C11orf87: variants seen among roughly 807,000 people sequenced by gnomAD.
C11orf87 encodes chromosome 11 open reading frame 87, also known as uncharacterized protein C11orf87.
A neutral mutation model predicts 9.2 loss-of-function variants in C11orf87; 3 were observed. The ratio of observed to expected loss-of-function variants is 0.33; its 90% CI spans 0.15 to 0.84. The LOEUF is 0.84. Ranked by LOEUF, C11orf87 falls within the 40% of genes least tolerant of loss-of-function variation. The probability of loss-of-function intolerance (pLI) is 0.55; values close to 1 mark genes in which losing one functional copy is unlikely to be tolerated. For missense variants in C11orf87, 256 were observed against 270.7 expected, an observed-to-expected ratio of 0.95 and a Z score of 0.38; for synonymous variants, 124 against 124.6, an observed-to-expected ratio of 1.00 and a Z score of 0.03.
rs140187758 is a variant in C11orf87, at chr11:109,426,231, C to A, written c.*2004C>A. ...GAATGAAAGTGATCTGCAAAAAGCT[C>A]TACCAAGAGAGTCCTTACTATCCTG... On this transcript the variant is annotated 3_prime_UTR_variant, in exon 2 of 2. Transcript: ENST00000327419. The A allele has an allele frequency of 2.0e-5, 3 of 152,290 alleles. No homozygotes were observed. In the East Asian group the frequency reaches 5.8e-4, roughly 29 times the overall value. 9.4% of individuals were successfully genotyped at this position (152,290 alleles called of 1,614,324 possible).
In C11orf87 at chr11:109,423,974, G is replaced by A. The variant is rs949137847; in HGVS notation, c.341G>A (p.Gly114Glu). The change falls in exon 2 of 2, where the codon GGG becomes GAG. Residue 114 changes from glycine to glutamate, a missense_variant. Physicochemically the swap from Gly to Glu is moderately conservative, Grantham distance 98. Coordinates refer to ENST00000327419, the MANE Select transcript of C11orf87 (RefSeq NM_207645.4). This position sits in a 1 kb window ranked among gnomAD's most constrained non-coding sequence, Gnocchi z 5.3. ...DHCSGSRGGGGLPRPGRQAPT... is the reference protein window; with the variant it reads ...DHCSGSRGGGELPRPGRQAPT... The stretch of plus-strand genomic sequence containing the variant: ...TGCAGCGGCAGCCGCGGTGGCGGGG[G>A]GCTGCCCCGACCTGGCAGGCAGGCC... 6.2e-6 allele frequency: 10 copies of A among 1,613,908 alleles called. No homozygotes were observed. Among genetic ancestry groups the A allele is most frequent in the Non-Finnish European group, 8.5e-6 (10 of 1,179,862 alleles).
rs1408100511 is a variant in C11orf87, at chr11:109,428,620, C to T, written c.*4393C>T. ...AATCTGAAAGGCCTACTTATTTGGG[C>T]CATTTTTTGTTGGAACTTGTGATTG... On this transcript the variant is annotated 3_prime_UTR_variant, in exon 2 of 2. Coordinates refer to ENST00000327419, the MANE Select transcript of C11orf87 (RefSeq NM_207645.4). The T allele has an allele frequency of 6.6e-6, 1 of 152,010 alleles. No homozygotes were observed. The highest frequency in any genetic ancestry group is 1.5e-5 in the Non-Finnish European group (1 of 67,952). The allele number at this position is 152,010 out of a possible 1,614,324, so 9.4% of individuals were successfully genotyped here. A position where few individuals can be genotyped will look rare whatever the true frequency, so the allele number is the denominator to read the frequency against.
rs564751052 is a variant in C11orf87 at position 109,424,008 on chromosome 11, C to G, written c.375C>G (p.His125Gln). 6.2e-7 allele frequency: 1 copy of G among 1,613,880 alleles called. No individual in the cohort carries two copies. The highest frequency in any genetic ancestry group is 8.5e-7 in the Non-Finnish European group (1 of 1,179,966). Residue 125 changes from histidine (H) to glutamine (Q), a missense_variant, in exon 2 of 2, where the codon CAC (histidine) becomes CAG (glutamine). Transcript: ENST00000327419. This position sits in a 1 kb window ranked among gnomAD's most constrained non-coding sequence, Gnocchi z 4.7. ...LPRPGRQAPT[H>Q]AKETRLERQP... ...GACCTGGCAGGCAGGCCCCAACCCA[C>G]GCAAAGGAAACCCGGCTGGAGAGGC...
Position 109,424,250 on chromosome 11 carries a change from C to A in C11orf87, c.*23C>A. On this transcript the variant is annotated 3_prime_UTR_variant, in exon 2 of 2. Coordinates refer to ENST00000327419, the MANE Select transcript of C11orf87 (RefSeq NM_207645.4). This position sits in a 1 kb window ranked among gnomAD's most constrained non-coding sequence, Gnocchi z 4.7. ...TGATCGTCTAGCCCCTCTCGTTCCC[C>A]GTCCTCGTTTCCAGCATCTTTGCCA... 2 of 1,574,624 alleles carry A rather than the reference C, an allele frequency of 1.3e-6. No homozygotes were observed. Among genetic ancestry groups the A allele is most frequent in the Admixed American group, 1.8e-5 (1 of 55,668 alleles).
intron 1 of C11orf87, among the ~76,000 whole-genome samples, chr11:109,422,940 C>A (rs1197127522): frequency 1.3e-5 from 2 of 151,578 alleles, no homozygotes; most frequent in Admixed American, 6.6e-5. Context: ...GGGAGGACTG[C>A]GTACCCGGAG....
Position 109,423,623 on chromosome 11 carries a change from G to T in C11orf87, c.-11G>T. On this transcript the variant is annotated 5_prime_UTR_variant, in exon 2 of 2. Coordinates refer to ENST00000327419, the MANE Select transcript of C11orf87 (RefSeq NM_207645.4). This position sits in a 1 kb window ranked among gnomAD's most constrained non-coding sequence, Gnocchi z 5.3. ...AGCCTAGTGGGCCTGGCCCCTCCCAGCCCCGCGCCAATGAGTGCCAGGGCG... is the reference window on the plus strand; with the variant it reads ...AGCCTAGTGGGCCTGGCCCCTCCCATCCCCGCGCCAATGAGTGCCAGGGCG... The T allele has an allele frequency of 6.3e-7, 1 of 1,587,546 alleles. No homozygotes were observed. The highest frequency in any genetic ancestry group is 8.5e-7 in the Non-Finnish European group (1 of 1,174,466).
intron 1 of C11orf87, among the ~76,000 whole-genome samples, chr11:109,422,554 A>G (rs1159689218): frequency 2.0e-5 from 3 of 152,122 alleles, no homozygotes; most frequent in Non-Finnish European, 2.9e-5. Flanking sequence ...GGGTCTGGGA[A>G]GGACAGAAAG....
At position 109,423,624 on chromosome 11, in the gene C11orf87, C is replaced by T. The variant is rs1376127106; in HGVS notation, c.-10C>T. On this transcript the variant is annotated 5_prime_UTR_variant, in exon 2 of 2. Coordinates refer to ENST00000327419, the MANE Select transcript of C11orf87 (RefSeq NM_207645.4). The surrounding 1 kb of genome is among the most constrained non-coding windows in gnomAD (Gnocchi z 5.3). ...GCCTAGTGGGCCTGGCCCCTCCCAG[C>T]CCCGCGCCAATGAGTGCCAGGGCGC... 9 of 1,588,238 alleles carry T rather than the reference C, an allele frequency of 5.7e-6. No individual in the cohort carries two copies. Among genetic ancestry groups the T allele is most frequent in the Middle Eastern group, 2.1e-4 (1 of 4,652 alleles).
rs2134828128 is a variant in C11orf87, at chr11:109,425,576, T to A, written c.*1349T>A. On this transcript the variant is annotated 3_prime_UTR_variant, in exon 2 of 2. Coordinates refer to ENST00000327419, the MANE Select transcript of C11orf87 (RefSeq NM_207645.4). Reference sequence around the variant, plus strand: ...TTTTGTACCTTATTCTGTAGTAGACTGTTATAAAAAGATGACACACACGCT... The same window carrying A: ...TTTTGTACCTTATTCTGTAGTAGACAGTTATAAAAAGATGACACACACGCT... The A allele has an allele frequency of 6.0e-6, 1 of 167,014 alleles. No individual in the cohort carries two copies. Among genetic ancestry groups the A allele is most frequent in the Admixed American group, 6.5e-5 (1 of 15,308 alleles). 10.3% of individuals were successfully genotyped at this position (167,014 alleles called of 1,614,324 possible).
At position 109,424,939 on chromosome 11, in the gene C11orf87, C is replaced by A. The variant is rs942144205; in HGVS notation, c.*712C>A. On this transcript the variant is annotated 3_prime_UTR_variant, in exon 2 of 2. Transcript: ENST00000327419. The surrounding 1 kb of genome is among the most constrained non-coding windows in gnomAD (Gnocchi z 4.7). ...TTTCCAGGACAGAGCATTTAATTTA[C>A]TTTTTAAAATGACCCTCGCTGGCCG... The A allele has an allele frequency of 6.0e-6, 1 of 167,080 alleles. No individual in the cohort carries two copies. The highest frequency in any genetic ancestry group is 1.5e-5 in the Non-Finnish European group (1 of 68,116). The allele number at this position is 167,080 out of a possible 1,614,324, so 10.3% of individuals were successfully genotyped here.
At chr11:109,422,339 T>C (rs1591273328) in intron 1 of C11orf87, 76 bp downstream of exon 1, 2 of 164,716 alleles carry the variant, frequency 1.2e-5, no homozygotes, top group South Asian at 2.7e-4. Context: ...GGAGGACAGC[T>C]CACGCGGCCT....
rs755637329 is a variant in C11orf87, at chr11:109,427,291, A to T, written c.*3064A>T. Reference sequence around the variant, plus strand: ...ATAGTGCTCTGTGTAAAGATGATGCAGTTTGTGAGTCAGATTTCATACTGA... The same window carrying T: ...ATAGTGCTCTGTGTAAAGATGATGCTGTTTGTGAGTCAGATTTCATACTGA... On this transcript the variant is annotated 3_prime_UTR_variant, in exon 2 of 2. Coordinates refer to ENST00000327419, the MANE Select transcript of C11orf87 (RefSeq NM_207645.4). 1.3e-5 allele frequency: 2 copies of T among 152,194 alleles called. No homozygotes were observed. The highest frequency in any genetic ancestry group is 2.9e-5 in the Non-Finnish European group (2 of 68,022). 9.4% of individuals were successfully genotyped at this position (152,194 alleles called of 1,614,324 possible).
Position 109,428,264 on chromosome 11 carries a change from T to C in C11orf87, c.*4037T>C, listed in dbSNP as rs558597119. 6.6e-6 allele frequency: 1 copy of C among 152,268 alleles called. No homozygotes were observed. Among genetic ancestry groups the C allele is most frequent in the South Asian group, 2.1e-4 (1 of 4,826 alleles). 9.4% of individuals were successfully genotyped at this position (152,268 alleles called of 1,614,324 possible). A position where few individuals can be genotyped will look rare whatever the true frequency, so the allele number is the denominator to read the frequency against. On this transcript the variant is annotated 3_prime_UTR_variant, in exon 2 of 2. Coordinates refer to ENST00000327419, the MANE Select transcript of C11orf87 (RefSeq NM_207645.4). ...TGTAGAAATACAATTTATATCTGCA[T>C]AGCTAAAGGTAAAGTGAAAATATGA...
At position 109,423,856 on chromosome 11, in the gene C11orf87, A is replaced by G; in HGVS notation, c.223A>G (p.Ile75Val). ...CCTGGTTACCCTCATCTTCTGCCTC[A>G]TCGTGCTGTCCCTCTCCACTTTCCA... ...IVLVTLIFCL[I>V]VLSLSTFHIH... is the part of the protein sequence containing the mutation. Residue 75 changes from isoleucine to valine, a missense_variant, in exon 2 of 2, where the codon ATC (isoleucine) becomes GTC (valine). Ile to Val is a conservative substitution (Grantham distance 29). Coordinates refer to ENST00000327419, the MANE Select transcript of C11orf87 (RefSeq NM_207645.4). This position sits in a 1 kb window ranked among gnomAD's most constrained non-coding sequence, Gnocchi z 5.3. The G allele has an allele frequency of 6.2e-7, 1 of 1,614,112 alleles. No homozygotes were observed. The highest frequency in any genetic ancestry group is 8.5e-7 in the Non-Finnish European group (1 of 1,179,972).
chr11:109,423,547 G>T lies in C11orf87; in HGVS notation c.-87G>T, dbSNP rs1860524381. Reference sequence around the variant, plus strand: ...GCTACAGGGAGCAGTTTTGGGTGGCGTGGGCTCCGTCCTCTTCTTGGCTGG... The same window carrying T: ...GCTACAGGGAGCAGTTTTGGGTGGCTTGGGCTCCGTCCTCTTCTTGGCTGG... On this transcript the variant is annotated 5_prime_UTR_variant, in exon 2 of 2. Coordinates refer to ENST00000327419, the MANE Select transcript of C11orf87 (RefSeq NM_207645.4). This position sits in a 1 kb window ranked among gnomAD's most constrained non-coding sequence, Gnocchi z 5.3. 1 of 1,363,258 alleles carries T rather than the reference G, an allele frequency of 7.3e-7. No individual in the cohort carries two copies. The highest frequency in any genetic ancestry group is 2.7e-5 in the Admixed American group (1 of 36,838). 84.4% of individuals were successfully genotyped at this position (1,363,258 alleles called of 1,614,324 possible). A position where few individuals can be genotyped will look rare whatever the true frequency, so the allele number is the denominator to read the frequency against.
chr11:109,424,577 A>C lies in C11orf87; in HGVS notation c.*350A>C. ...CCCATTCCACCCCGCGCTCCCCTCA[A>C]TTAGGAGGAGAAACCGCACAAGCTA... is the stretch of plus-strand genomic sequence containing the variant. On this transcript the variant is annotated 3_prime_UTR_variant, in exon 2 of 2. Coordinates refer to ENST00000327419, the MANE Select transcript of C11orf87 (RefSeq NM_207645.4). This position sits in a 1 kb window ranked among gnomAD's most constrained non-coding sequence, Gnocchi z 4.7. The C allele has an allele frequency of 1.2e-5, 2 of 169,488 alleles. No individual in the cohort carries two copies. Among genetic ancestry groups the C allele is most frequent in the Non-Finnish European group, 2.9e-5 (2 of 69,870 alleles). The allele number at this position is 169,488 out of a possible 1,614,324, so 10.5% of individuals were successfully genotyped here.
At chr11:109,422,615 C>T (rs1379976661) in intron 1 of C11orf87, among the ~76,000 whole-genome samples, 5 of 152,070 alleles carry the variant, frequency 3.3e-5, no homozygotes, top group Non-Finnish European at 5.9e-5. Flanking sequence ...CTTTCCATTC[C>T]AGCTCCTCTA....
rs1860589032 is a variant in C11orf87, at chr11:109,427,484, G to C, written c.*3257G>C. On this transcript the variant is annotated 3_prime_UTR_variant, in exon 2 of 2. Coordinates refer to ENST00000327419, the MANE Select transcript of C11orf87 (RefSeq NM_207645.4). The stretch of plus-strand genomic sequence containing the variant: ...TTGTTTAAAGCACTGCTTCTTATAG[G>C]GCTCAATTGGCAGTCTCAGGAGCTT... 1 of 151,970 alleles carries C rather than the reference G, an allele frequency of 6.6e-6. No individual in the cohort carries two copies. The highest frequency in any genetic ancestry group is 1.5e-5 in the Non-Finnish European group (1 of 67,978). The allele number at this position is 151,970 out of a possible 1,614,324, so 9.4% of individuals were successfully genotyped here. A position where few individuals can be genotyped will look rare whatever the true frequency, so the allele number is the denominator to read the frequency against.
rs761401212 is a variant in C11orf87, at chr11:109,423,651, G to A, written c.18G>A (p.Pro6=). The A allele has an allele frequency of 6.2e-7, 1 of 1,602,664 alleles. No homozygotes were observed. The highest frequency in any genetic ancestry group is 8.5e-7 in the Non-Finnish European group (1 of 1,179,254). The part of the protein sequence containing the change: MSARA[P]KELRLALPPC... ...CCGCGCCAATGAGTGCCAGGGCGCC[G>A]AAGGAGCTGAGGCTGGCGTTGCCGC... is the stretch of plus-strand genomic sequence containing the variant. The change falls in exon 2 of 2, where the codon CCG becomes CCA. Residue 6 remains proline, a synonymous_variant. Coordinates refer to ENST00000327419, the MANE Select transcript of C11orf87 (RefSeq NM_207645.4). The surrounding 1 kb of genome is among the most constrained non-coding windows in gnomAD (Gnocchi z 5.3).
Sources: allele counts gnomAD v4.1 joint callset (sites outside exome capture counted in the v4.1 genomes callset), GRCh38; gene constraint gnomAD v4.1.1; non-coding constraint Gnocchi (gnomAD v3.1); transcripts MANE v1.5; gene names NCBI Gene and HGNC (gene_info 2026-07-23, HGNC 2026-07-21).